Variants in USH2A observed in about 807,000 individuals in gnomAD.
USH2A encodes the protein usherin.
Under a neutral mutation model 538.9 loss-of-function variants are expected in USH2A, and 443 were observed. That is an observed-to-expected ratio of 0.82 (90% CI 0.76 to 0.89). The LOEUF (loss-of-function observed/expected upper bound fraction) is 0.89. USH2A is among the 40% of genes least tolerant of loss of function. The probability of loss-of-function intolerance (pLI) is 0.00; values close to 1 mark genes in which losing one functional copy is unlikely to be tolerated. For missense variants in USH2A, 6,633 were observed against 6,324.8 expected (o/e 1.05, Z -1.65); for synonymous variants, 2,413 against 2,273.5 (o/e 1.06, Z -1.75).
chr1:215,947,191 G>A (rs1256341756), intron 37 of USH2A, among the ~76,000 whole-genome samples: 1 of 151,858 alleles, frequency 6.6e-6, no homozygotes, highest in African/African-American at 2.4e-5. Context: ...CTACAGGCAT[G>A]CACCACCACT....
At chr1:215,910,842 C>T (rs1476638908) in intron 38 of USH2A, among the ~76,000 whole-genome samples, 2 of 151,780 alleles carry the variant, frequency 1.3e-5, no homozygotes, top group Non-Finnish European at 2.9e-5. Flanking sequence ...AATTTTCTTA[C>T]CCATCCTTGA....
At chr1:215,932,464 G>A (rs1423723594) in intron 38 of USH2A, among the ~76,000 whole-genome samples, 1 of 151,962 alleles carries the variant, frequency 6.6e-6, no homozygotes, top group Non-Finnish European at 1.5e-5. Context: ...AGATCATTAA[G>A]TAAAAGGAAG....
chr1:216,417,374 C>T (rs900015476), intron 3 of USH2A, among the ~76,000 whole-genome samples: 1 of 151,968 alleles, frequency 6.6e-6, no homozygotes, highest in African/African-American at 2.4e-5. Flanking sequence ...GATGGATGCT[C>T]ATATGAGAGC....
intron 3 of USH2A, among the ~76,000 whole-genome samples, chr1:216,386,295 A>C (rs2039002979): frequency 6.6e-6 from 1 of 151,876 alleles, no homozygotes; most frequent in Non-Finnish European, 1.5e-5. Context: ...CAGGAGATTG[A>C]GACCATCCTG....
intron 21 of USH2A, among the ~76,000 whole-genome samples, chr1:216,137,923 G>A: frequency 6.6e-6 from 1 of 150,846 alleles, no homozygotes; most frequent in Non-Finnish European, 1.5e-5. Context: ...TAATATGATT[G>A]TTTTATATCA....
chr1:216,041,902 T>A (rs1011223292), intron 32 of USH2A, among the ~76,000 whole-genome samples: 10 of 152,010 alleles, frequency 6.6e-5, no homozygotes, highest in Non-Finnish European at 1.3e-4. Flanking sequence ...TGCTGACAAC[T>A]TTCCTGGAAT....
intron 61 of USH2A, among the ~76,000 whole-genome samples, chr1:215,720,848 C>T (rs978620535): frequency 3.3e-5 from 5 of 152,072 alleles, no homozygotes; most frequent in African/African-American, 1.2e-4. Flanking sequence ...CAGAGAAAAT[C>T]CCATGAGGCA....
intron 35 of USH2A, among the ~76,000 whole-genome samples, chr1:215,985,394 G>A (rs1391629518): frequency 6.6e-6 from 1 of 152,104 alleles, no homozygotes; most frequent in Non-Finnish European, 1.5e-5. Flanking sequence ...AAAAGTAGAG[G>A]CAGATAATAT....
Position 216,246,788 on chromosome 1 carries a change from G to A in USH2A, c.2606C>T (p.Pro869Leu), listed in dbSNP as rs1442395321. The A allele has an allele frequency of 1.2e-5, 19 of 1,614,136 alleles. No homozygotes were observed. Among genetic ancestry groups the A allele is most frequent in the Non-Finnish European group, 1.5e-5 (18 of 1,179,978 alleles). The change falls in exon 13 of 72, where the codon CCT (proline) becomes CTT (leucine). Residue 869 changes from proline to leucine, a missense_variant. Physicochemically the swap from Pro to Leu is moderately conservative, Grantham distance 98. Coordinates refer to ENST00000307340, the MANE Select transcript of USH2A (RefSeq NM_206933.4). ...AAGACCTGTTACCCCTAATTTGCAA[G>A]GACATTGTCCTGTTGATTTGTTACA... ...LLCNKSTGQCPCKLGVTGLRC... is the reference protein window; with the variant it reads ...LLCNKSTGQCLCKLGVTGLRC...
intron 37 of USH2A, among the ~76,000 whole-genome samples, chr1:215,946,533 T>A (rs1175568975): frequency 6.6e-6 from 1 of 152,194 alleles, no homozygotes; most frequent in Non-Finnish European, 1.5e-5. Context: ...GCTGATTCAA[T>A]AAGAAAAATA....
intron 3 of USH2A, among the ~76,000 whole-genome samples, chr1:216,384,853 T>C (rs1362396192): frequency 6.6e-6 from 1 of 152,186 alleles, no homozygotes; most frequent in Non-Finnish European, 1.5e-5. Flanking sequence ...GTGAAGAAAC[T>C]GAACCTAGAA....
chr1:215,968,693 A>G (rs1667418177), intron 36 of USH2A, among the ~76,000 whole-genome samples: 1 of 152,162 alleles, frequency 6.6e-6, no homozygotes. Context: ...TATTAGATGA[A>G]CAAAAAAATT....
Position 216,141,610 on chromosome 1 carries a change from G to A in USH2A, c.4627+33642C>T, listed in dbSNP as rs80200385. On this transcript the variant is annotated intron_variant, in intron 21 of 71. Transcript: ENST00000307340. ...GGCATCAGCTACCTTGCTTTGCTGG[G>A]AAGAGTTTTGTCTATACCTAGCATT... 2.1e-3 allele frequency among the ~76,000 whole-genome samples: 324 copies of A among 152,238 alleles called. 1 individual carries two copies. Among genetic ancestry groups the A allele is most frequent in the African/African-American group, 7.6e-3 (314 of 41,538 alleles).
At chr1:216,314,584 A>C (rs2037474821) in intron 9 of USH2A, among the ~76,000 whole-genome samples, 1 of 152,144 alleles carries the variant, frequency 6.6e-6, no homozygotes, top group Admixed American at 6.6e-5. Flanking sequence ...TGGTGCTCTA[A>C]AGGAATCTTT....
At chr1:215,872,350 A>G (rs925208872) in intron 43 of USH2A, among the ~76,000 whole-genome samples, 1 of 152,228 alleles carries the variant, frequency 6.6e-6, no homozygotes, top group African/African-American at 2.4e-5. Context: ...TTTGCTTCAA[A>G]AATTGAAGAG....
intron 44 of USH2A, among the ~76,000 whole-genome samples, chr1:215,850,988 G>A (rs1209722822): frequency 6.6e-6 from 1 of 152,072 alleles, no homozygotes; most frequent in African/African-American, 2.4e-5. Flanking sequence ...AAAATTATTT[G>A]AACTGAATGA....
chr1:216,117,465 G>C (rs969332174), intron 21 of USH2A, among the ~76,000 whole-genome samples: 4 of 151,844 alleles, frequency 2.6e-5, no homozygotes, highest in African/African-American at 9.7e-5. Flanking sequence ...ACACTGATGT[G>C]GGAATTAATA....
At chr1:216,313,119 A>G (rs2102639866) in intron 9 of USH2A, among the ~76,000 whole-genome samples, 1 of 152,306 alleles carries the variant, frequency 6.6e-6, no homozygotes, top group East Asian at 1.9e-4. Context: ...AGGAATTCTC[A>G]GAAGGAGTGC....
chr1:216,410,987 T>A (rs1001911879), intron 3 of USH2A, among the ~76,000 whole-genome samples: 1 of 152,140 alleles, frequency 6.6e-6, no homozygotes, highest in African/African-American at 2.4e-5. Flanking sequence ...AAGTGATCTT[T>A]AGGAAAAAAT....
Sources: allele counts gnomAD v4.1 joint callset (sites outside exome capture counted in the v4.1 genomes callset), GRCh38; gene constraint gnomAD v4.1.1; transcripts MANE v1.5; gene names NCBI Gene and HGNC (gene_info 2026-07-23, HGNC 2026-07-21).